Variants in SFTPB observed in about 807,000 individuals in gnomAD.
The protein encoded by SFTPB is surfactant protein B, also known as pulmonary surfactant-associated protein B.
SFTPB carries 32 observed loss-of-function variants against 51.0 expected under a neutral mutation model. That is an observed-to-expected ratio of 0.63 (90% CI 0.47 to 0.84). The LOEUF (loss-of-function observed/expected upper bound fraction) is 0.84, where lower values mean the gene tolerates loss of function less well. Among genes scored for constraint, SFTPB ranks in the 40% least tolerant of loss-of-function variants. The pLI, the probability that SFTPB is intolerant of heterozygous loss-of-function variation, is 0.00. For missense variants in SFTPB, 431 were observed against 491.2 expected (o/e 0.88, Z 1.16); for synonymous variants, 211 against 208.5 (o/e 1.01, Z -0.10).
rs1188727313 is a variant in SFTPB at position 85,662,054 on chromosome 2, C to A, written c.1058G>T (p.Gly353Val). 1.2e-6 allele frequency: 2 copies of A among 1,601,610 alleles called. No homozygotes were observed. The highest frequency in any genetic ancestry group is 2.3e-5 in the East Asian group (1 of 44,408). ...TPQLLTLVPR[G>V]WDAHTTCQAL... ...CTGGCAGGTGGTGTGGGCATCCCAG[C>A]CCCTGGGCACCAGGGTCAGCAGCTG... Residue 353 changes from glycine to valine, a missense_variant, in exon 9 of 11, where the codon GGC (glycine) becomes GTC (valine). Physicochemically the swap from Gly to Val is moderately radical, Grantham distance 109. Transcript: ENST00000519937.
In SFTPB at chr2:85,658,165, C is replaced by G. The variant is rs1198271763; in HGVS notation, c.*1537G>C. ...CCTGACAGTGGGTAATTTCCACTCT[C>G]TTTGTCTGTAGTTTCTGAATTTCTT... On this transcript the variant is annotated 3_prime_UTR_variant, in exon 11 of 11. Coordinates refer to ENST00000519937, the MANE Select transcript of SFTPB (RefSeq NM_000542.5). 3 of 152,472 alleles carry G rather than the reference C, an allele frequency of 2.0e-5. No homozygotes were observed. Among genetic ancestry groups the G allele is most frequent in the African/African-American group, 4.8e-5 (2 of 41,446 alleles). The allele number at this position is 152,472 out of a possible 1,614,324, so 9.4% of individuals were successfully genotyped here.
At position 85,667,986 on chromosome 2, in the gene SFTPB, C is replaced by T; in HGVS notation, c.67+131G>A. ...CGCCAGCTGTGTGACCTTGGATAAG[C>T]TCTGAACCCTCTCTGAACCCCAGCT... is the stretch of plus-strand genomic sequence containing the variant. On this transcript the variant is annotated intron_variant, in intron 1 of 10. Coordinates refer to ENST00000519937, the MANE Select transcript of SFTPB (RefSeq NM_000542.5). The T allele has an allele frequency of 5.1e-6, 6 of 1,176,760 alleles. No individual in the cohort carries two copies. In the South Asian group the frequency reaches 8.5e-5, roughly 17 times the overall value. The allele number at this position is 1,176,760 out of a possible 1,614,324, so 72.9% of individuals were successfully genotyped here.
intron 10 of SFTPB, among the ~76,000 whole-genome samples, chr2:85,660,381 C>T (rs1228327395): frequency 6.9e-6 from 1 of 145,302 alleles, no homozygotes. Flanking sequence ...GTGATCCACT[C>T]GCCTCGGTCT....
At chr2:85,666,581 G>A (rs758486451) in intron 4 of SFTPB, 36 bp downstream of exon 4, 4 of 1,610,098 alleles carry the variant, frequency 2.5e-6, no homozygotes, top group Admixed American at 1.7e-5. Flanking sequence ...GGGCCTGCGT[G>A]GGGAGGCAGG....
At position 85,658,525 on chromosome 2, in the gene SFTPB, A is replaced by T. The variant is rs568399684; in HGVS notation, c.*1177T>A. The T allele has an allele frequency of 6.6e-6, 1 of 152,256 alleles. No individual in the cohort carries two copies. The highest frequency in any genetic ancestry group is 1.5e-5 in the Non-Finnish European group (1 of 68,142). The allele number at this position is 152,256 out of a possible 1,614,324, so 9.4% of individuals were successfully genotyped here. The stretch of plus-strand genomic sequence containing the variant: ...TTTATTTATTTATTTATTTACTGAG[A>T]TGGAGTCTTGCTCTGTCACCCAGGC... On this transcript the variant is annotated 3_prime_UTR_variant, in exon 11 of 11. Coordinates refer to ENST00000519937, the MANE Select transcript of SFTPB (RefSeq NM_000542.5).
chr2:85,666,086 C>T (rs1048632774), intron 4 of SFTPB, among the ~76,000 whole-genome samples: 1 of 151,976 alleles, frequency 6.6e-6, no homozygotes, highest in Non-Finnish European at 1.5e-5. Context: ...GCGTACAGGC[C>T]CACCGTGTGC....
At position 85,667,812 on chromosome 2, in the gene SFTPB, G is replaced by T. The variant is rs1391658085; in HGVS notation, c.68-6C>A. 6.2e-7 allele frequency: 1 copy of T among 1,614,128 alleles called. No individual in the cohort carries two copies. Among genetic ancestry groups the T allele is most frequent in the East Asian group, 2.2e-5 (1 of 44,898 alleles). ...GGATGAGGTGGTCCAGGCAGCTGTGGTTTGGGGCCAGAGCAACCTTAATCA... is the reference window on the plus strand; with the variant it reads ...GGATGAGGTGGTCCAGGCAGCTGTGTTTTGGGGCCAGAGCAACCTTAATCA... On this transcript the variant is annotated splice_region_variant and splice_polypyrimidine_tract_variant and intron_variant, in intron 1 of 10. Coordinates refer to ENST00000519937, the MANE Select transcript of SFTPB (RefSeq NM_000542.5).
At chr2:85,665,938 G>C in intron 4 of SFTPB, 144 bp from the exon 5 acceptor site, 1 of 732,052 alleles carries the variant, frequency 1.4e-6, no homozygotes, top group Non-Finnish European at 2.3e-6. Context: ...TATGTGGGGG[G>C]ACAAAAGGCA....
intron 10 of SFTPB, among the ~76,000 whole-genome samples, chr2:85,660,647 G>A (rs1455847743): frequency 6.6e-6 from 1 of 151,590 alleles, no homozygotes; most frequent in Admixed American, 6.6e-5. Flanking sequence ...TAGAGACAGG[G>A]TTTCGCCATG....
chr2:85,665,476 C>A, intron 5 of SFTPB, 98 bp from the exon 6 acceptor site: 1 of 1,442,740 alleles, frequency 6.9e-7, no homozygotes, highest in Non-Finnish European at 9.7e-7. Flanking sequence ...TCCCTCCTCC[C>A]TTAGGCCCTG....
At chr2:85,666,420 G>GTAC (rs1677620241) in intron 4 of SFTPB, 197 bp downstream of exon 4, 9 of 538,422 alleles carry the variant, frequency 1.7e-5, no homozygotes, top group East Asian at 7.1e-5. Context: ...GCCAGCTGGG[G>GTAC]TGTTGTGTGT....
intron 10 of SFTPB, among the ~76,000 whole-genome samples, chr2:85,660,548 C>G (rs1345250776): frequency 6.8e-6 from 1 of 147,384 alleles, no homozygotes; most frequent in Non-Finnish European, 1.5e-5. Context: ...CTCCCAGGTT[C>G]AAGTGATTCT....
chr2:85,663,864 G>A lies in SFTPB; in HGVS notation c.673-17C>T, dbSNP rs45479497. The A allele has an allele frequency of 2.6e-5, 41 of 1,569,566 alleles. No individual in the cohort carries two copies. Among genetic ancestry groups the A allele is most frequent in the African/African-American group, 4.0e-5 (3 of 74,150 alleles). On this transcript the variant is annotated splice_polypyrimidine_tract_variant and intron_variant, in intron 6 of 10. Transcript: ENST00000519937. ...TAGCGCACCCTGGGGCGGGGGCGGA[G>A]AGAGGCCAGCATGGGACCTTCACTT... is the stretch of plus-strand genomic sequence containing the variant.
chr2:85,664,888 T>C (rs1424742837), intron 6 of SFTPB, among the ~76,000 whole-genome samples: 1 of 152,240 alleles, frequency 6.6e-6, no homozygotes, highest in Non-Finnish European at 1.5e-5. Flanking sequence ...CAAGTTGGAC[T>C]CAGGCAAGGA....
rs768712184 is a variant in SFTPB at position 85,665,713 on chromosome 2, G to A, written c.475C>T (p.Pro159Ser). Residue 159 changes from proline (P) to serine (S), a missense_variant, in exon 5 of 11, where the codon CCC becomes TCC. Pro to Ser is a moderately conservative substitution (Grantham distance 74, BLOSUM62 -1). Transcript: ENST00000519937. ...GGGTCCCGCAGAGGTTTGGGCAGGG[G>A]GTCTGACATCCCTGGCTCCTGCTCT... is the stretch of plus-strand genomic sequence containing the variant. ...EPEQEPGMSD[P>S]LPKPLRDPLP... The A allele has an allele frequency of 3.7e-6, 6 of 1,614,222 alleles. No homozygotes were observed. Among genetic ancestry groups the A allele is most frequent in the Non-Finnish European group, 5.1e-6 (6 of 1,180,044 alleles).
chr2:85,657,773 T>C lies in SFTPB; in HGVS notation c.*1929A>G, dbSNP rs1157789006. ...GGGTGGTGGGATTATCATTAGTTCT[T>C]GTAGGTTTGGGATAGGCGGTGGAGT... On this transcript the variant is annotated 3_prime_UTR_variant, in exon 11 of 11. Coordinates refer to ENST00000519937, the MANE Select transcript of SFTPB (RefSeq NM_000542.5). 2 of 152,156 alleles carry C rather than the reference T, an allele frequency of 1.3e-5. No homozygotes were observed. Among genetic ancestry groups the C allele is most frequent in the African/African-American group, 4.8e-5 (2 of 41,434 alleles). 9.4% of individuals were successfully genotyped at this position (152,156 alleles called of 1,614,324 possible). A position where few individuals can be genotyped will look rare whatever the true frequency, so the allele number is the denominator to read the frequency against.
intron 8 of SFTPB, 191 bp from the exon 9 acceptor site, chr2:85,662,300 C>G: frequency 5.5e-6 from 8 of 1,444,248 alleles, no homozygotes; most frequent in Non-Finnish European, 7.3e-6. Context: ...GGACTTCCAT[C>G]AGAAAAGCAG....
Position 85,661,500 on chromosome 2 carries a change from G to A in SFTPB, c.1119C>T (p.Leu373=). The change falls in exon 10 of 11, where the codon CTC becomes CTT. Residue 373 remains leucine, a synonymous_variant. Transcript: ENST00000519937. Reference sequence around the variant, plus strand: ...AAAGGTCGGGGCTGTGGATACACTGGAGAGGGCTGGACATGGTCCCACACA... The same window carrying A: ...AAAGGTCGGGGCTGTGGATACACTGAAGAGGGCTGGACATGGTCCCACACA... ...LGVCGTMSSP[L]QCIHSPDL is the part of the protein sequence containing the mutation. The A allele has an allele frequency of 1.2e-6, 2 of 1,612,240 alleles. No homozygotes were observed. The highest frequency in any genetic ancestry group is 8.5e-7 in the Non-Finnish European group (1 of 1,179,300).
chr2:85,666,715 C>T lies in SFTPB; in HGVS notation c.295G>A (p.Glu99Lys), dbSNP rs1351865587. The change falls in exon 4 of 11, where the codon GAG (glutamate) becomes AAG (lysine). Residue 99 changes from glutamate (E) to lysine (K), a missense_variant. By Grantham distance (56) the Glu-to-Lys change is moderately conservative (BLOSUM62 1). Coordinates refer to ENST00000519937, the MANE Select transcript of SFTPB (RefSeq NM_000542.5). Reference sequence around the variant, plus strand: ...AGCTTCAAGGGGAGGACGTTGCACTCCTGCTCCAGGAACTTCCTCATCGTG... The same window carrying T: ...AGCTTCAAGGGGAGGACGTTGCACTTCTGCTCCAGGAACTTCCTCATCGTG... The part of the protein sequence containing the change: ...QDTMRKFLEQ[E>K]CNVLPLKLLM... 1.2e-6 allele frequency: 2 copies of T among 1,613,722 alleles called. No homozygotes were observed. The highest frequency in any genetic ancestry group is 1.7e-6 in the Non-Finnish European group (2 of 1,179,890).
Sources: gnomAD v4.1 joint callset for allele counts (sites outside exome capture counted in the v4.1 genomes callset) on GRCh38, gnomAD v4.1.1 for gene constraint, MANE v1.5 for transcripts, NCBI Gene and HGNC (gene_info 2026-07-23, HGNC 2026-07-21) for gene names.